The following ACOXL variants were observed in gnomAD, a reference collection of about 807,000 sequenced individuals.
ACOXL encodes acyl-CoA oxidase like.
In ACOXL, 70 loss-of-function variants were observed where a neutral mutation model predicts 71.9. The observed-to-expected ratio is 0.97, with a 90% confidence interval of 0.80 to 1.19. The LOEUF (loss-of-function observed/expected upper bound fraction) is 1.19. Among genes scored for constraint, ACOXL ranks in the 50% most tolerant of loss-of-function variants. ACOXL has a pLI of 0.00. For synonymous variants in ACOXL, 253 were observed against 281.6 expected (o/e 0.90, Z 1.02); for missense variants, 703 against 736.3 (o/e 0.95, Z 0.52).
intron 1 of ACOXL, among the ~76,000 whole-genome samples, chr2:110,738,617 C>A (rs1012293886): frequency 6.6e-6 from 1 of 152,144 alleles, no homozygotes; most frequent in Non-Finnish European, 1.5e-5. Flanking sequence ...TTTTGTCCCT[C>A]CCTACTGGAA....
At chr2:110,994,852 T>C (rs2063320305) in intron 13 of ACOXL, among the ~76,000 whole-genome samples, 1 of 152,158 alleles carries the variant, frequency 6.6e-6, no homozygotes, top group Non-Finnish European at 1.5e-5. Context: ...GCCTCTTGCT[T>C]TAAATGCTGA....
chr2:110,852,776 C>G (rs1559346344), intron 10 of ACOXL, among the ~76,000 whole-genome samples: 1 of 152,156 alleles, frequency 6.6e-6, no homozygotes, highest in Non-Finnish European at 1.5e-5. Flanking sequence ...CACTCAGATT[C>G]TGCTTCCTGT....
intron 11 of ACOXL, among the ~76,000 whole-genome samples, chr2:110,911,679 C>T (rs1472618276): frequency 3.9e-5 from 6 of 151,964 alleles, no homozygotes; most frequent in East Asian, 1.9e-4. Context: ...ATGATAAAAA[C>T]GCTCAACAAA....
At chr2:110,757,595 G>C (rs1411821641) in intron 1 of ACOXL, among the ~76,000 whole-genome samples, 1 of 152,102 alleles carries the variant, frequency 6.6e-6, no homozygotes, top group Non-Finnish European at 1.5e-5. Flanking sequence ...TCAACATTCT[G>C]ACTGATGTGA....
chr2:110,804,796 G>A (rs1434561395), intron 8 of ACOXL, among the ~76,000 whole-genome samples: 1 of 151,888 alleles, frequency 6.6e-6, no homozygotes, highest in Admixed American at 6.6e-5. Flanking sequence ...CATAGAGAGA[G>A]AAAGTAGGTG....
At chr2:110,810,137 C>T (rs917190979) in intron 9 of ACOXL, among the ~76,000 whole-genome samples, 1 of 152,196 alleles carries the variant, frequency 6.6e-6, no homozygotes, top group Non-Finnish European at 1.5e-5. Context: ...GACACTTCCT[C>T]CTGAGCAGAA....
At chr2:110,770,935 G>A (rs1315698431) in intron 2 of ACOXL, among the ~76,000 whole-genome samples, 2 of 152,182 alleles carry the variant, frequency 1.3e-5, no homozygotes, top group African/African-American at 4.8e-5. Context: ...CTGTAATCTC[G>A]CTCCTGATGA....
intron 9 of ACOXL, among the ~76,000 whole-genome samples, chr2:110,823,173 A>T (rs779385891): frequency 2.4e-4 from 36 of 151,950 alleles, no homozygotes; most frequent in Non-Finnish European, 5.0e-4. Context: ...GAATCACTTG[A>T]ACCTGGGAGG....
intron 10 of ACOXL, among the ~76,000 whole-genome samples, chr2:110,899,078 A>C (rs1235794777): frequency 6.6e-6 from 1 of 152,238 alleles, no homozygotes; most frequent in Admixed American, 6.5e-5. Context: ...GAAAGAAATC[A>C]AAGATCTAAA....
intron 10 of ACOXL, among the ~76,000 whole-genome samples, chr2:110,848,036 G>A (rs1467439953): frequency 2.0e-5 from 3 of 152,212 alleles, no homozygotes; most frequent in Non-Finnish European, 4.4e-5. Context: ...CAGCATCAAT[G>A]AGCAAATGAA....
chr2:110,846,484 C>G (rs79597433), intron 10 of ACOXL, among the ~76,000 whole-genome samples: 1 of 152,114 alleles, frequency 6.6e-6, no homozygotes, highest in East Asian at 1.9e-4. Context: ...CGGAGGGGCT[C>G]TTGTGTGGCA....
At chr2:110,770,798 C>T (rs1254112886) in intron 2 of ACOXL, among the ~76,000 whole-genome samples, 1 of 152,216 alleles carries the variant, frequency 6.6e-6, no homozygotes, top group African/African-American at 2.4e-5. Flanking sequence ...GCTTCTTGCT[C>T]CCTTAATCAG....
chr2:110,817,892 C>T (rs879873427), intron 9 of ACOXL, among the ~76,000 whole-genome samples: 12 of 150,342 alleles, frequency 8.0e-5, no homozygotes, highest in Admixed American at 6.6e-4. Context: ...CTCACTGTGG[C>T]GCGTTCCCTT....
rs532800506 is a variant in ACOXL at position 110,987,299 on chromosome 2, C to G, written c.1169+82C>G. ...GTTCATACAGCCTTGGCATAACTCA[C>G]TCTTGCTTGAAATTTTTAGTGTTTG... On this transcript the variant is annotated intron_variant, in intron 13 of 17. Transcript: ENST00000439055. The G allele has an allele frequency of 2.7e-4, 353 of 1,295,576 alleles. 4 individuals carry two copies. The South Asian group carries it at 4.1e-3, about 15-fold the overall frequency. 80.3% of individuals were successfully genotyped at this position (1,295,576 alleles called of 1,614,324 possible).
At chr2:110,822,648 C>A (rs1688751925) in intron 9 of ACOXL, among the ~76,000 whole-genome samples, 1 of 152,062 alleles carries the variant, frequency 6.6e-6, no homozygotes, top group African/African-American at 2.4e-5. Flanking sequence ...ATTCTGAGAG[C>A]CCCTCAATGT....
At chr2:111,111,747 T>G (rs2069981498) in intron 17 of ACOXL, among the ~76,000 whole-genome samples, 1 of 152,178 alleles carries the variant, frequency 6.6e-6, no homozygotes, top group Non-Finnish European at 1.5e-5. Flanking sequence ...ATACCAGAGT[T>G]AGAAAGAAAT....
At chr2:111,063,225 C>T (rs897658194) in intron 16 of ACOXL, among the ~76,000 whole-genome samples, 2 of 152,094 alleles carry the variant, frequency 1.3e-5, no homozygotes, top group African/African-American at 2.4e-5. Flanking sequence ...CAGTTCTTCA[C>T]AATATTTTCC....
intron 1 of ACOXL, among the ~76,000 whole-genome samples, chr2:110,756,625 G>A (rs1679737551): frequency 6.6e-6 from 1 of 152,068 alleles, no homozygotes; most frequent in African/African-American, 2.4e-5. Flanking sequence ...ATTTATTCTA[G>A]TACGTGGTGT....
intron 10 of ACOXL, among the ~76,000 whole-genome samples, chr2:110,866,627 C>T (rs557977434): frequency 6.6e-6 from 1 of 152,162 alleles, no homozygotes; most frequent in South Asian, 2.1e-4. Context: ...GAGCCAGGGG[C>T]AGAGTCGTGG....
Sources: gnomAD v4.1 joint callset for allele counts (sites outside exome capture counted in the v4.1 genomes callset) on GRCh38, gnomAD v4.1.1 for gene constraint, MANE v1.5 for transcripts, NCBI Gene and HGNC (gene_info 2026-07-23, HGNC 2026-07-21) for gene names.